CDK5RAP2: variants seen among roughly 807,000 people sequenced by gnomAD.
The protein encoded by CDK5RAP2 is CDK5 regulatory subunit associated protein 2, also known as CDK5 regulatory subunit-associated protein 2.
Under a neutral mutation model 232.9 loss-of-function variants are expected in CDK5RAP2, and 147 were observed. The ratio of observed to expected loss-of-function variants is 0.63; its 90% CI spans 0.55 to 0.72. CDK5RAP2 has a LOEUF of 0.72. Ranked by LOEUF, CDK5RAP2 falls within the 30% of genes least tolerant of loss-of-function variation. The pLI is 0.00. For synonymous variants in CDK5RAP2, 833 were observed against 833.7 expected (o/e 1.00, Z 0.01); for missense variants, 2,195 against 2,231.5 (o/e 0.98, Z 0.33).
At chr9:120,449,032 C>T (rs570971905) in intron 21 of CDK5RAP2, among the ~76,000 whole-genome samples, 1 of 152,278 alleles carries the variant, frequency 6.6e-6, no homozygotes, top group Admixed American at 6.5e-5. Flanking sequence ...ATTTTAATTG[C>T]TTTCCAGTTC....
At chr9:120,524,241 T>C (rs529069205) in intron 11 of CDK5RAP2, among the ~76,000 whole-genome samples, 68 of 152,370 alleles carry the variant, frequency 4.5e-4, no homozygotes, top group Non-Finnish European at 6.8e-4. Flanking sequence ...ATGTGTTCAA[T>C]AAATGTCTCT....
At chr9:120,558,954 A>G (rs529021857) in intron 3 of CDK5RAP2, among the ~76,000 whole-genome samples, 13 of 152,230 alleles carry the variant, frequency 8.5e-5, no homozygotes, top group Non-Finnish European at 1.5e-4. Flanking sequence ...CAAGGTTTTA[A>G]CAAGTATCTA....
At chr9:120,498,509 C>T (rs2039423001) in intron 12 of CDK5RAP2, among the ~76,000 whole-genome samples, 1 of 152,088 alleles carries the variant, frequency 6.6e-6, no homozygotes, top group Non-Finnish European at 1.5e-5. Context: ...GATCCTGAAC[C>T]CGAAAAGGGT....
chr9:120,443,008 C>T (rs948879807), intron 23 of CDK5RAP2, among the ~76,000 whole-genome samples: 1 of 152,094 alleles, frequency 6.6e-6, no homozygotes, highest in Non-Finnish European at 1.5e-5. Flanking sequence ...GGCATTTGTT[C>T]ATTCTGGTTG....
intron 24 of CDK5RAP2, among the ~76,000 whole-genome samples, chr9:120,438,725 T>C (rs1380516252): frequency 3.9e-5 from 6 of 152,226 alleles, no homozygotes; most frequent in Non-Finnish European, 7.3e-5. Flanking sequence ...ACAAGCTTCC[T>C]TCAATCTCAC....
intron 4 of CDK5RAP2, 29 bp downstream of exon 4, chr9:120,550,763 G>A: frequency 2.5e-6 from 3 of 1,189,168 alleles, no homozygotes; most frequent in Non-Finnish European, 3.8e-6. Flanking sequence ...AAGGACACAA[G>A]GGACAGTAAT....
chr9:120,539,021 C>G lies in CDK5RAP2; in HGVS notation c.507+20G>C. 1 of 1,613,458 alleles carries G rather than the reference C, an allele frequency of 6.2e-7. No homozygotes were observed. Among genetic ancestry groups the G allele is most frequent in the Non-Finnish European group, 8.5e-7 (1 of 1,179,420 alleles). ...AACCCACTATAAGAAATACACTGCC[C>G]TCAGGATTTCCAGACTTGCCTTTTC... On this transcript the variant is annotated intron_variant, in intron 6 of 37. Coordinates refer to ENST00000349780, the MANE Select transcript of CDK5RAP2 (RefSeq NM_018249.6).
intron 25 of CDK5RAP2, among the ~76,000 whole-genome samples, chr9:120,434,448 TG>T (rs546467242): frequency 6.6e-6 from 1 of 152,026 alleles, no homozygotes; most frequent in South Asian, 2.1e-4. Flanking sequence ...GGCTTTGATT[TG>T]GGGGCAGAGA....
At chr9:120,513,317 C>G (rs2040179433) in intron 12 of CDK5RAP2, among the ~76,000 whole-genome samples, 1 of 152,204 alleles carries the variant, frequency 6.6e-6, no homozygotes, top group African/African-American at 2.4e-5. Context: ...AACTGCAAAT[C>G]TGATCCTGTC....
intron 25 of CDK5RAP2, among the ~76,000 whole-genome samples, chr9:120,435,674 A>G (rs1303708317): frequency 6.6e-6 from 1 of 152,222 alleles, no homozygotes; most frequent in Non-Finnish European, 1.5e-5. Flanking sequence ...ATTTTGTCCC[A>G]GAAAGTAAGG....
chr9:120,457,902 G>T (rs574482727), intron 20 of CDK5RAP2, among the ~76,000 whole-genome samples: 1 of 152,252 alleles, frequency 6.6e-6, no homozygotes, highest in East Asian at 1.9e-4. Context: ...TGTTATGGAT[G>T]GACTAGGAAG....
chr9:120,541,038 C>G (rs1453443370), intron 5 of CDK5RAP2, among the ~76,000 whole-genome samples: 3 of 152,262 alleles, frequency 2.0e-5, no homozygotes, highest in African/African-American at 7.2e-5. Flanking sequence ...ATTTCTATCA[C>G]TCCTTGAGGA....
rs1432352366 is a variant in CDK5RAP2 at position 120,403,527 on chromosome 9, C to T, written c.5042-456G>A. ...CATTTGAACTGGATTGAGCAAGTAG[C>T]AAGAATTACACGAATGATGAGTCAT... On this transcript the variant is annotated intron_variant, in intron 33 of 37. Coordinates refer to ENST00000349780, the MANE Select transcript of CDK5RAP2 (RefSeq NM_018249.6). The surrounding 1 kb of genome is among the most constrained non-coding windows in gnomAD (Gnocchi z 4.2). The T allele has an allele frequency of 7.3e-6, 2 of 275,222 alleles. No individual in the cohort carries two copies. The highest frequency in any genetic ancestry group is 4.4e-5 in the African/African-American group (2 of 45,484). The allele number at this position is 275,222 out of a possible 1,614,324, so 17.0% of individuals were successfully genotyped here.
Position 120,462,351 on chromosome 9 carries a change from T to C in CDK5RAP2, c.2107-1684A>G, listed in dbSNP as rs138724432. ...GAACTATCAAACTTGTTGGTGGGAA[T>C]ATAAAATGTTTGGAAAAAGTATTGG... On this transcript the variant is annotated intron_variant, in intron 18 of 37. Coordinates refer to ENST00000349780, the MANE Select transcript of CDK5RAP2 (RefSeq NM_018249.6). Among the ~76,000 whole-genome samples the C allele has an allele frequency of 1.7e-3, 263 of 151,940 alleles. 2 individuals carry two copies. Among genetic ancestry groups the C allele is most frequent in the African/African-American group, 5.9e-3 (243 of 41,420 alleles).
Position 120,521,649 on chromosome 9 carries a change from T to C in CDK5RAP2, c.1093-3004A>G, listed in dbSNP as rs990123059. On this transcript the variant is annotated intron_variant, in intron 11 of 37. Coordinates refer to ENST00000349780, the MANE Select transcript of CDK5RAP2 (RefSeq NM_018249.6). Reference sequence around the variant, plus strand: ...AGTCCATTAAACCTCTTTTTCTTTTTTTTTTTTTTTTTTTTTGAGACAGTC... The same window carrying C: ...AGTCCATTAAACCTCTTTTTCTTTTCTTTTTTTTTTTTTTTTGAGACAGTC... Among the ~76,000 whole-genome samples, 216 of 144,764 alleles carry C rather than the reference T, an allele frequency of 1.5e-3. 1 individual carries two copies. Among genetic ancestry groups the C allele is most frequent in the African/African-American group, 1.1e-3 (43 of 37,800 alleles). 95.0% of individuals were successfully genotyped at this position (144,764 alleles called of 152,430 possible). A position where few individuals can be genotyped will look rare whatever the true frequency, so the allele number is the denominator to read the frequency against.
chr9:120,418,366 A>G (rs2034362692), intron 27 of CDK5RAP2, among the ~76,000 whole-genome samples: 1 of 152,212 alleles, frequency 6.6e-6, no homozygotes, highest in Non-Finnish European at 1.5e-5. Flanking sequence ...GCCAAGAGGG[A>G]GCAGAGGGAA....
chr9:120,517,879 G>C (rs1187603443), intron 12 of CDK5RAP2: 1 of 370,840 alleles, frequency 2.7e-6, no homozygotes, highest in African/African-American at 2.1e-5. Flanking sequence ...AGGAAACAGA[G>C]TGAGACCCTG....
chr9:120,563,515 G>C (rs1387412075), intron 3 of CDK5RAP2, among the ~76,000 whole-genome samples: 2 of 152,176 alleles, frequency 1.3e-5, no homozygotes, highest in Non-Finnish European at 2.9e-5. Context: ...CATTCATTGA[G>C]TACCCTCTAT....
intron 12 of CDK5RAP2, among the ~76,000 whole-genome samples, chr9:120,495,661 G>T: frequency 1.1e-5 from 1 of 94,974 alleles, no homozygotes; most frequent in Non-Finnish European, 2.1e-5. Context: ...GTGGGGGGGG[G>T]TCAGCCCCCC....
Sources: gnomAD v4.1 joint callset for allele counts (sites outside exome capture counted in the v4.1 genomes callset) on GRCh38, gnomAD v4.1.1 for gene constraint, Gnocchi (gnomAD v3.1) non-coding constraint, MANE v1.5 for transcripts, NCBI Gene and HGNC (gene_info 2026-07-23, HGNC 2026-07-21) for gene names.